ZSWIM5: variants seen among roughly 807,000 people sequenced by gnomAD.
ZSWIM5 encodes the protein zinc finger SWIM domain-containing protein 5.
A neutral mutation model predicts 119.6 loss-of-function variants in ZSWIM5; 55 were observed. That is an observed-to-expected ratio of 0.46 (90% confidence interval 0.37 to 0.58). The LOEUF (loss-of-function observed/expected upper bound fraction) is 0.58. Among genes scored for constraint, ZSWIM5 ranks in the 20% least tolerant of loss-of-function variants. The probability of loss-of-function intolerance (pLI) is 0.00; values close to 1 mark genes in which losing one functional copy is unlikely to be tolerated. For synonymous variants in ZSWIM5, 537 were observed against 606.9 expected (o/e 0.88, Z 1.69); for missense variants, 1,193 against 1,512.8 (o/e 0.79, Z 3.51).
Position 45,023,577 on chromosome 1 carries a change from A to C in ZSWIM5, c.2450-2789T>G, listed in dbSNP as rs555833322. 2.7e-5 allele frequency among the ~76,000 whole-genome samples: 4 copies of C among 149,854 alleles called. No homozygotes were observed. The South Asian group carries it at 8.4e-4, about 31-fold the overall frequency. On this transcript the variant is annotated intron_variant, in intron 11 of 13. Transcript: ENST00000359600. ...TTAGAAATAATAATCAATTCTATGG[A>C]TATACGATAATTTATTTATCCGTTC...
intron 1 of ZSWIM5, among the ~76,000 whole-genome samples, chr1:45,094,594 G>A (rs188614242): frequency 2.6e-5 from 4 of 152,044 alleles, no homozygotes; most frequent in African/African-American, 7.2e-5. Flanking sequence ...CAGGCTTGGC[G>A]GCTCATGCCT....
chr1:45,133,585 C>A (rs1217531977), intron 1 of ZSWIM5, among the ~76,000 whole-genome samples: 1 of 152,164 alleles, frequency 6.6e-6, no homozygotes, highest in African/African-American at 2.4e-5. Context: ...ATGGTAGTTT[C>A]TTTTGCTGTG....
chr1:45,117,639 C>G (rs955524016), intron 1 of ZSWIM5, among the ~76,000 whole-genome samples: 1 of 152,142 alleles, frequency 6.6e-6, no homozygotes, highest in South Asian at 2.1e-4. Context: ...CCACTGCACT[C>G]TAGCCTGGTT....
At chr1:45,049,047 C>G (rs1645074020) in intron 5 of ZSWIM5, among the ~76,000 whole-genome samples, 1 of 152,170 alleles carries the variant, frequency 6.6e-6, no homozygotes. Context: ...GGGAGGATCA[C>G]TGAAGCCTGG....
chr1:45,033,585 T>C (rs914106054), intron 11 of ZSWIM5, among the ~76,000 whole-genome samples: 2 of 144,464 alleles, frequency 1.4e-5, no homozygotes, highest in Non-Finnish European at 3.1e-5. Flanking sequence ...ACTGCCTATC[T>C]TTTACCAGGG....
chr1:45,043,535 T>C (rs1645029616), intron 5 of ZSWIM5, 140 bp from the exon 6 acceptor site: 2 of 805,706 alleles, frequency 2.5e-6, no homozygotes, highest in South Asian at 1.7e-5. Context: ...GAACAGGTTA[T>C]AAGGAAGGGC....
intron 1 of ZSWIM5, among the ~76,000 whole-genome samples, chr1:45,115,421 C>G (rs541452732): frequency 1.4e-5 from 2 of 145,056 alleles, no homozygotes; most frequent in South Asian, 2.2e-4. Flanking sequence ...ACTTCTCAGA[C>G]GGGGCGGCCG....
At chr1:45,053,982 C>T (rs1166500350) in intron 4 of ZSWIM5, among the ~76,000 whole-genome samples, 3 of 151,994 alleles carry the variant, frequency 2.0e-5, no homozygotes, top group Non-Finnish European at 1.5e-5. Flanking sequence ...TATTTTCCTA[C>T]AACTTAAAAA....
intron 3 of ZSWIM5, among the ~76,000 whole-genome samples, chr1:45,059,584 T>C (rs1206803538): frequency 6.6e-6 from 1 of 152,160 alleles, no homozygotes; most frequent in African/African-American, 2.4e-5. Context: ...CTAAAGTTGA[T>C]TGTGGTGATG....
intron 1 of ZSWIM5, among the ~76,000 whole-genome samples, chr1:45,183,201 G>A (rs1466379914): frequency 4.0e-5 from 6 of 150,650 alleles, no homozygotes; most frequent in Admixed American, 2.0e-4. Flanking sequence ...TGAAACCAAC[G>A]AGAACAAAGA....
rs967571729 is a variant in ZSWIM5, at chr1:45,020,615, TCCTC to T, written c.2613+6_2613+9del. ...GTCTAAACTGTGGATGGCCTACTCT[TCCTC>T]CATACCTGTAACCCAAGTTCCAGGG... On this transcript the variant is annotated splice_donor_region_variant and intron_variant, in intron 12 of 13. Coordinates refer to ENST00000359600, the MANE Select transcript of ZSWIM5 (RefSeq NM_020883.2). The T allele has an allele frequency of 6.2e-7, 1 of 1,612,570 alleles. No homozygotes were observed. The highest frequency in any genetic ancestry group is 1.3e-5 in the African/African-American group (1 of 74,852).
At chr1:45,122,436 G>C (rs1272718116) in intron 1 of ZSWIM5, among the ~76,000 whole-genome samples, 3 of 152,082 alleles carry the variant, frequency 2.0e-5, no homozygotes, top group Non-Finnish European at 4.4e-5. Context: ...ACTTCTTCTG[G>C]GAAGATGGAG....
intron 4 of ZSWIM5, among the ~76,000 whole-genome samples, chr1:45,053,559 C>T (rs971739465): frequency 7.9e-5 from 12 of 151,446 alleles, no homozygotes; most frequent in African/African-American, 2.4e-4. Flanking sequence ...GTCAGGAGTT[C>T]GAGACCAGCC....
At chr1:45,171,026 AATCTT>A (rs1645943543) in intron 1 of ZSWIM5, among the ~76,000 whole-genome samples, 1 of 152,164 alleles carries the variant, frequency 6.6e-6, no homozygotes, top group South Asian at 2.1e-4. Flanking sequence ...ACAATGCAGA[AATCTT>A]TTCAAAAATA....
chr1:45,119,193 C>G (rs1312575723), intron 1 of ZSWIM5, among the ~76,000 whole-genome samples: 1 of 152,090 alleles, frequency 6.6e-6, no homozygotes, highest in East Asian at 1.9e-4. Context: ...TTAATCTGGG[C>G]TTAAGACCAT....
chr1:45,131,562 A>G (rs1218521439), intron 1 of ZSWIM5, among the ~76,000 whole-genome samples: 1 of 151,914 alleles, frequency 6.6e-6, no homozygotes, highest in Non-Finnish European at 1.5e-5. Context: ...AGTCCCCACT[A>G]AAAATACAAA....
chr1:45,132,616 C>CT (rs529045614), intron 1 of ZSWIM5, among the ~76,000 whole-genome samples: 17 of 151,122 alleles, frequency 1.1e-4, no homozygotes, highest in East Asian at 3.9e-4. Flanking sequence ...AATTTTTTTT[C>CT]TTTTTTTTTA....
chr1:45,033,885 C>CG lies in ZSWIM5; in HGVS notation c.2449+426dup, dbSNP rs1644966656. ...CCAGGTGCTTTTTTTTTTTTTGAGA[C>CG]GGAGTCTTGCTCTGTCACCCAGGCT... On this transcript the variant is annotated intron_variant, in intron 11 of 13. Coordinates refer to ENST00000359600, the MANE Select transcript of ZSWIM5 (RefSeq NM_020883.2). 4.0e-5 allele frequency among the ~76,000 whole-genome samples: 6 copies of CG among 149,320 alleles called. No individual in the cohort carries two copies. In the South Asian group the frequency reaches 1.3e-3, roughly 31 times the overall value.
intron 1 of ZSWIM5, among the ~76,000 whole-genome samples, chr1:45,196,700 A>G (rs1461922495): frequency 6.6e-6 from 1 of 152,120 alleles, no homozygotes; most frequent in Admixed American, 6.6e-5. Context: ...GAAGCCCACA[A>G]TTCTTTTCTT....
Sources: gnomAD v4.1 joint callset for allele counts (sites outside exome capture counted in the v4.1 genomes callset) on GRCh38, gnomAD v4.1.1 for gene constraint, MANE v1.5 for transcripts, NCBI Gene and HGNC (gene_info 2026-07-23, HGNC 2026-07-21) for gene names.